Variants in CABLES2 observed in about 807,000 individuals in gnomAD.
CABLES2 encodes the protein Cdk5 and Abl enzyme substrate 2.
In CABLES2, 35 loss-of-function variants were observed where a neutral mutation model predicts 44.8. The observed-to-expected ratio is 0.78, with a 90% CI of 0.60 to 1.04. The LOEUF is 1.04. Among genes scored for constraint, CABLES2 ranks in the 50% least tolerant of loss-of-function variants. The pLI, the probability that CABLES2 is intolerant of heterozygous loss-of-function variation, is 0.00. For missense variants in CABLES2, 566 were observed against 615.7 expected, an observed-to-expected ratio of 0.92 and a Z score of 0.85; for synonymous variants, 282 against 281.1, an observed-to-expected ratio of 1.00 and a Z score of -0.03.
chr20:62,397,733 A>C (rs1198347068), intron 1 of CABLES2, among the ~76,000 whole-genome samples: 7 of 152,258 alleles, frequency 4.6e-5, no homozygotes, highest in African/African-American at 7.2e-5. Context: ...AGCACAGCTT[A>C]GGAGATAAGG....
chr20:62,405,800 G>A (rs947408902), intron 1 of CABLES2: 1 of 152,152 alleles, frequency 6.6e-6, no homozygotes, highest in African/African-American at 2.4e-5. Flanking sequence ...CAGCCGCCCA[G>A]CAGGCACTTG....
Position 62,391,391 on chromosome 20 carries a change from A to G in CABLES2, c.1154T>C (p.Met385Thr), listed in dbSNP as rs776840076. ...CAGCTTCTCAAAGTACACGTAGGCC[A>G]TGGCCACCGTCACGGGCTCCAGGCT... is the stretch of plus-strand genomic sequence containing the variant. Reference protein sequence around the residue: ...ECSLEPVTVAMAYVYFEKLVL... With the variant: ...ECSLEPVTVATAYVYFEKLVL... The change falls in exon 9 of 10, where the codon ATG becomes ACG. Residue 385 changes from methionine to threonine, a missense_variant. Around this residue, in one of 2 missense-constraint regions of CABLES2, gnomAD observed 436 missense variants for 536.3 expected, o/e 0.81. Transcript: ENST00000279101. This position sits in a 1 kb window ranked among gnomAD's most constrained non-coding sequence, Gnocchi z 5.7. 5 of 1,613,286 alleles carry G rather than the reference A, an allele frequency of 3.1e-6. No individual in the cohort carries two copies. The highest frequency in any genetic ancestry group is 3.4e-6 in the Non-Finnish European group (4 of 1,180,032).
Position 62,389,590 on chromosome 20 carries a change from G to A in CABLES2, c.*1381C>T, listed in dbSNP as rs998853956. The A allele has an allele frequency of 1.3e-5, 2 of 152,240 alleles. No individual in the cohort carries two copies. The highest frequency in any genetic ancestry group is 4.8e-5 in the African/African-American group (2 of 41,454). The allele number at this position is 152,240 out of a possible 1,614,324, so 9.4% of individuals were successfully genotyped here. A position where few individuals can be genotyped will look rare whatever the true frequency, so the allele number is the denominator to read the frequency against. On this transcript the variant is annotated 3_prime_UTR_variant, in exon 10 of 10. Transcript: ENST00000279101. ...GGATGTATTGTATTAATGGGCTAGA[G>A]ACAAAGTCGTCCCAGAGCCCCTCCA...
At position 62,407,056 on chromosome 20, in the gene CABLES2, G is replaced by T; in HGVS notation, c.221C>A (p.Pro74Gln). 1 of 1,087,668 alleles carries T rather than the reference G, an allele frequency of 9.2e-7. No individual in the cohort carries two copies. 67.4% of individuals were successfully genotyped at this position (1,087,668 alleles called of 1,614,324 possible). ...TGGCGGTTCGCGGGCCTCGGCGGGC[G>T]GCGGCGGGGGCTTCTCTCCGCCCGG... Reference protein sequence around the residue: ...LGPGGEKPPPPPAEAREPPAP... With the variant: ...LGPGGEKPPPQPAEAREPPAP... Residue 74 changes from proline to glutamine, a missense_variant, in exon 1 of 10, where the codon CCG becomes CAG. Pro to Gln is a moderately conservative substitution (Grantham distance 76). Around this residue, in one of 2 missense-constraint regions of CABLES2, gnomAD observed 130 missense variants for 79.4 expected, o/e 1.64. Transcript: ENST00000279101.
In CABLES2 at chr20:62,391,184, C is replaced by T. The variant is rs973422122; in HGVS notation, c.1296+65G>A. On this transcript the variant is annotated intron_variant, in intron 9 of 9. Coordinates refer to ENST00000279101, the MANE Select transcript of CABLES2 (RefSeq NM_031215.3). This position sits in a 1 kb window ranked among gnomAD's most constrained non-coding sequence, Gnocchi z 5.7. The stretch of plus-strand genomic sequence containing the variant: ...ACATTTCCCACCCGGCCAGCCCCAT[C>T]CCAGCAGTGGCCCTGGCTCGATGTC... 1.9e-5 allele frequency: 31 copies of T among 1,603,966 alleles called. No individual in the cohort carries two copies. In the South Asian group the frequency reaches 3.2e-4, roughly 17 times the overall value.
chr20:62,394,898 A>T (rs756173252), intron 4 of CABLES2, 39 bp downstream of exon 4: 63 of 1,585,314 alleles, frequency 4.0e-5, no homozygotes, highest in Non-Finnish European at 5.3e-5. Flanking sequence ...CCTTCTGCCT[A>T]GATGGACACC....
chr20:62,398,187 A>ACGGTGGTGATGATGGTGATGG (rs759461396), intron 1 of CABLES2, among the ~76,000 whole-genome samples: 5 of 92,770 alleles, frequency 5.4e-5, no homozygotes, highest in African/African-American at 9.9e-5. Flanking sequence ...GGTGGTGGTG[A>ACGGTGGTGATGATGGTGATGG]TGGTGATGAT....
intron 1 of CABLES2, among the ~76,000 whole-genome samples, chr20:62,398,202 G>GGTGGTGGTGGTGATGGTGA (rs879730947): frequency 5.3e-5 from 6 of 112,646 alleles, no homozygotes; most frequent in Middle Eastern, 5.6e-3. Context: ...GATGATGGTG[G>GGTGGTGGTGGTGATGGTGA]TGATGGTGAT....
intron 5 of CABLES2, 126 bp downstream of exon 5, chr20:62,394,031 C>T: frequency 1.3e-6 from 1 of 784,494 alleles, no homozygotes. Context: ...ATCCACTCCA[C>T]CCTTGCGTTT....
Position 62,392,585 on chromosome 20 carries a change from G to A in CABLES2, c.985-90C>T, listed in dbSNP as rs1310520863. 8 of 996,218 alleles carry A rather than the reference G, an allele frequency of 8.0e-6. No homozygotes were observed. In the Admixed American group the frequency reaches 1.4e-4, roughly 18 times the overall value. The allele number at this position is 996,218 out of a possible 1,614,324, so 61.7% of individuals were successfully genotyped here. On this transcript the variant is annotated intron_variant, in intron 7 of 9. Transcript: ENST00000279101. ...GTACGATGGATTTCTCACTGTCCTGGGTTTGCAAACATGCATACGGTGTGG... is the reference window on the plus strand; with the variant it reads ...GTACGATGGATTTCTCACTGTCCTGAGTTTGCAAACATGCATACGGTGTGG...
Position 62,391,538 on chromosome 20 carries a change from G to C in CABLES2, c.1092-85C>G. 1 of 1,399,748 alleles carries C rather than the reference G, an allele frequency of 7.1e-7. No individual in the cohort carries two copies. The highest frequency in any genetic ancestry group is 1.4e-5 in the African/African-American group (1 of 70,554). The allele number at this position is 1,399,748 out of a possible 1,614,324, so 86.7% of individuals were successfully genotyped here. A position where few individuals can be genotyped will look rare whatever the true frequency, so the allele number is the denominator to read the frequency against. On this transcript the variant is annotated intron_variant, in intron 8 of 9. Coordinates refer to ENST00000279101, the MANE Select transcript of CABLES2 (RefSeq NM_031215.3). This position sits in a 1 kb window ranked among gnomAD's most constrained non-coding sequence, Gnocchi z 5.7. ...CCCCTGCCACCACCAACCGAGGCTGGAGCGATGTAGCTTTGGGCCGCAAGA... is the reference window on the plus strand; with the variant it reads ...CCCCTGCCACCACCAACCGAGGCTGCAGCGATGTAGCTTTGGGCCGCAAGA...
chr20:62,399,107 C>T (rs538130122), intron 1 of CABLES2, among the ~76,000 whole-genome samples: 80 of 152,246 alleles, frequency 5.3e-4, no homozygotes, highest in African/African-American at 1.7e-3. Flanking sequence ...CCTCCATGCC[C>T]GACAATTTTT....
intron 1 of CABLES2, among the ~76,000 whole-genome samples, chr20:62,398,252 G>GTGA (rs1988115620): frequency 7.4e-6 from 1 of 135,898 alleles, no homozygotes; most frequent in South Asian, 2.4e-4. Flanking sequence ...GATGGTGATG[G>GTGA]TGGTGGTGAT....
At chr20:62,400,050 A>G (rs1988160339) in intron 1 of CABLES2, among the ~76,000 whole-genome samples, 1 of 152,224 alleles carries the variant, frequency 6.6e-6, no homozygotes, top group Admixed American at 6.5e-5. Context: ...GTTGAAAACA[A>G]GCTAGGATTG....
intron 1 of CABLES2, among the ~76,000 whole-genome samples, chr20:62,398,344 G>A (rs1263454435): frequency 6.6e-6 from 1 of 151,518 alleles, no homozygotes; most frequent in Admixed American, 6.6e-5. Flanking sequence ...TGGTGGTGAT[G>A]GTGATGACGG....
intron 1 of CABLES2, among the ~76,000 whole-genome samples, chr20:62,398,070 A>ATGGTGATGGTGGTGATGGTGGTGG: frequency 3.5e-5 from 1 of 28,934 alleles, no homozygotes. Context: ...GGTGGTGGTG[A>ATGGTGATGGTGGTGATGGTGGTGG]CGGTGGTGGT....
chr20:62,404,690 T>TC (rs1269354329), intron 1 of CABLES2: 1 of 151,984 alleles, frequency 6.6e-6, no homozygotes, highest in Non-Finnish European at 1.5e-5. Context: ...GAGGGACGCC[T>TC]CCCCCTCCAG....
intron 1 of CABLES2, 139 bp downstream of exon 1, chr20:62,406,776 G>A: frequency 2.5e-6 from 1 of 398,730 alleles, no homozygotes; most frequent in Non-Finnish European, 3.9e-6. Context: ...GGGCTGACAA[G>A]GCCCCAGGTC....
chr20:62,388,759 G>C lies in CABLES2; in HGVS notation c.*2212C>G. Reference sequence around the variant, plus strand: ...CACACTGACATCCACAACTGCTACCGGTGCGGAAGCAACGCCAGGCCTGGT... The same window carrying C: ...CACACTGACATCCACAACTGCTACCCGTGCGGAAGCAACGCCAGGCCTGGT... On this transcript the variant is annotated 3_prime_UTR_variant, in exon 10 of 10. Coordinates refer to ENST00000279101, the MANE Select transcript of CABLES2 (RefSeq NM_031215.3). The C allele has an allele frequency of 6.1e-6, 3 of 492,528 alleles. No homozygotes were observed. Among genetic ancestry groups the C allele is most frequent in the Non-Finnish European group, 7.3e-6 (2 of 275,584 alleles). The allele number at this position is 492,528 out of a possible 1,614,324, so 30.5% of individuals were successfully genotyped here. A position where few individuals can be genotyped will look rare whatever the true frequency, so the allele number is the denominator to read the frequency against.
Sources: allele counts gnomAD v4.1 joint callset (sites outside exome capture counted in the v4.1 genomes callset), GRCh38; gene constraint gnomAD v4.1.1; regional missense constraint gnomAD v4.1.1; non-coding constraint Gnocchi (gnomAD v3.1); transcripts MANE v1.5; gene names NCBI Gene and HGNC (gene_info 2026-07-23, HGNC 2026-07-21).